The following DNAH11 variants were observed in gnomAD, a reference collection of about 807,000 sequenced individuals.
The protein encoded by DNAH11 is dynein axonemal heavy chain 11, also known as axonemal beta dynein heavy chain 11.
In DNAH11, 442 loss-of-function variants were observed where a neutral mutation model predicts 526.0. That is an observed-to-expected ratio of 0.84 (90% confidence interval 0.78 to 0.91). DNAH11 has a LOEUF of 0.91. Ranked by LOEUF, DNAH11 falls within the 40% of genes least tolerant of loss-of-function variation. DNAH11 has a pLI of 0.00. For synonymous variants in DNAH11, 2,461 were observed against 1,935.9 expected (o/e 1.27, Z -7.12); for missense variants, 6,989 against 5,448.7 (o/e 1.28, Z -8.90).
intron 65 of DNAH11, among the ~76,000 whole-genome samples, chr7:21,820,508 C>G (rs979107772): frequency 6.6e-5 from 10 of 152,238 alleles, no homozygotes; most frequent in African/African-American, 2.4e-4. Context: ...ACAGAGAGCC[C>G]TAATTTCAAA....
intron 65 of DNAH11, 118 bp downstream of exon 65, chr7:21,818,457 T>C: frequency 8.8e-7 from 1 of 1,138,420 alleles, no homozygotes; most frequent in Admixed American, 2.9e-5. Flanking sequence ...TGAGTTTCCA[T>C]TTCATGCACC....
intron 51 of DNAH11, among the ~76,000 whole-genome samples, chr7:21,747,707 T>C (rs952597052): frequency 6.6e-6 from 1 of 152,220 alleles, no homozygotes; most frequent in Non-Finnish European, 1.5e-5. Context: ...TTCAGCAAAT[T>C]ATTCTACAAT....
chr7:21,731,018 C>T (rs2128487512), intron 45 of DNAH11, among the ~76,000 whole-genome samples: 2 of 152,070 alleles, frequency 1.3e-5, no homozygotes, highest in Non-Finnish European at 2.9e-5. Flanking sequence ...GTGGTGTGCG[C>T]CTATAATCCC....
intron 43 of DNAH11, among the ~76,000 whole-genome samples, chr7:21,718,829 A>T (rs1033449391): frequency 6.6e-6 from 1 of 152,226 alleles, no homozygotes; most frequent in Non-Finnish European, 1.5e-5. Flanking sequence ...AGAAATAGTC[A>T]CAAGCATAAT....
At chr7:21,893,058 C>A (rs1357805722) in intron 77 of DNAH11, among the ~76,000 whole-genome samples, 1 of 152,114 alleles carries the variant, frequency 6.6e-6, no homozygotes, top group Non-Finnish European at 1.5e-5. Flanking sequence ...ATATAAAATT[C>A]TTCATTGTAC....
chr7:21,751,866 A>T (rs1786426250), intron 54 of DNAH11, among the ~76,000 whole-genome samples: 1 of 152,186 alleles, frequency 6.6e-6, no homozygotes, highest in Non-Finnish European at 1.5e-5. Flanking sequence ...AAGGCCAGGG[A>T]TTTCTTCCTG....
Position 21,599,935 on chromosome 7 carries a change from A to C in DNAH11, c.2816A>C (p.Lys939Thr), listed in dbSNP as rs1314903720. The change falls in exon 15 of 82, where the codon AAA becomes ACA. Residue 939 changes from lysine (K) to threonine (T), a missense_variant. Lys to Thr is a moderately conservative substitution (Grantham distance 78). Transcript: ENST00000409508. ...CTGAAGAATACAGAGAAACAATTGA[A>C]ACCGGCACCGTTTTTTCAAGCACAA... ...FFLKNTEKQL[K>T]PAPFFQAQMI... The C allele has an allele frequency of 1.2e-6, 2 of 1,613,612 alleles. No homozygotes were observed. Among genetic ancestry groups the C allele is most frequent in the African/African-American group, 2.7e-5 (2 of 74,898 alleles).
At chr7:21,819,013 T>A (rs968755453) in intron 65 of DNAH11, among the ~76,000 whole-genome samples, 2 of 152,122 alleles carry the variant, frequency 1.3e-5, no homozygotes, top group Non-Finnish European at 2.9e-5. Flanking sequence ...CATGTCACTT[T>A]CCTATGAATG....
intron 54 of DNAH11, 77 bp from the exon 55 acceptor site, chr7:21,765,351 C>T: frequency 6.3e-7 from 1 of 1,596,820 alleles, no homozygotes; most frequent in Non-Finnish European, 8.6e-7. Flanking sequence ...TCCTTTCTCT[C>T]ATTGTCTAAG....
chr7:21,791,344 G>A (rs546656099), intron 61 of DNAH11, among the ~76,000 whole-genome samples: 1 of 152,322 alleles, frequency 6.6e-6, no homozygotes, highest in South Asian at 2.1e-4. Flanking sequence ...TCTCTGCATT[G>A]GATGCACTCA....
Position 21,690,617 on chromosome 7 carries a change from A to G in DNAH11, c.5925-148A>G, listed in dbSNP as rs1783575979. 8.8e-6 allele frequency: 5 copies of G among 568,452 alleles called. No individual in the cohort carries two copies. In the African/African-American group the frequency reaches 9.8e-5, roughly 11 times the overall value. 35.2% of individuals were successfully genotyped at this position (568,452 alleles called of 1,614,324 possible). A position where few individuals can be genotyped will look rare whatever the true frequency, so the allele number is the denominator to read the frequency against. ...ATAAATATGCTTCAAAACATATTCA[A>G]AATATGTATGGGCTTATGAATTTTA... On this transcript the variant is annotated intron_variant, in intron 34 of 81. Transcript: ENST00000409508.
At chr7:21,756,525 T>C (rs1208348686) in intron 54 of DNAH11, among the ~76,000 whole-genome samples, 1 of 152,034 alleles carries the variant, frequency 6.6e-6, no homozygotes, top group East Asian at 1.9e-4. Flanking sequence ...ATTTCCTGGA[T>C]TAACTATGAA....
At chr7:21,660,638 T>C (rs943082171) in intron 30 of DNAH11, among the ~76,000 whole-genome samples, 1 of 149,974 alleles carries the variant, frequency 6.7e-6, no homozygotes, top group Non-Finnish European at 1.5e-5. Context: ...ATTATTAACA[T>C]TTTGGCATGC....
intron 32 of DNAH11, among the ~76,000 whole-genome samples, chr7:21,686,408 T>G (rs2128473710): frequency 6.6e-6 from 1 of 152,302 alleles, no homozygotes; most frequent in African/African-American, 2.4e-5. Context: ...AAATAAAGAA[T>G]ACAGCCATTT....
At chr7:21,681,099 G>A (rs749256709) in intron 30 of DNAH11, among the ~76,000 whole-genome samples, 2 of 152,194 alleles carry the variant, frequency 1.3e-5, no homozygotes, top group Middle Eastern at 3.4e-3. Flanking sequence ...TCTACACCAA[G>A]GTTCTTTGAG....
At chr7:21,695,903 C>A (rs1783829952) in intron 35 of DNAH11, among the ~76,000 whole-genome samples, 1 of 152,002 alleles carries the variant, frequency 6.6e-6, no homozygotes, top group Non-Finnish European at 1.5e-5. Context: ...AAAAAAAAAC[C>A]CATCAAAAAG....
chr7:21,786,669 G>C lies in DNAH11; in HGVS notation c.9643G>C (p.Val3215Leu). 1 of 1,613,544 alleles carries C rather than the reference G, an allele frequency of 6.2e-7. No homozygotes were observed. The highest frequency in any genetic ancestry group is 8.5e-7 in the Non-Finnish European group (1 of 1,179,618). The change falls in exon 59 of 82, where the codon GTT (valine) becomes CTT (leucine). Residue 3215 changes from valine to leucine, a missense_variant. Physicochemically the swap from Val to Leu is conservative, Grantham distance 32 (BLOSUM62 1). Transcript: ENST00000409508. ...AGCCTTTCCCAACCCTCCCATCGCA[G>C]TTACCAATGTTACTGCAGCCGTGAT... Reference protein sequence around the residue: ...LKAFPNPPIAVTNVTAAVMVL... With the variant: ...LKAFPNPPIALTNVTAAVMVL...
chr7:21,649,787 A>T (rs1374989536), intron 28 of DNAH11, among the ~76,000 whole-genome samples: 4 of 151,652 alleles, frequency 2.6e-5, no homozygotes. Context: ...AGCCTCAGCC[A>T]CCTGAGTAGC....
chr7:21,876,645 C>T (rs1006756232), intron 74 of DNAH11, among the ~76,000 whole-genome samples: 5 of 152,242 alleles, frequency 3.3e-5, no homozygotes, highest in African/African-American at 7.2e-5. Context: ...CAATCTGGCT[C>T]TTTATAGTTC....
Sources: gnomAD v4.1 joint callset for allele counts (sites outside exome capture counted in the v4.1 genomes callset) on GRCh38, gnomAD v4.1.1 for gene constraint, MANE v1.5 for transcripts, NCBI Gene and HGNC (gene_info 2026-07-23, HGNC 2026-07-21) for gene names.